CSN2: variants seen among roughly 807,000 people sequenced by gnomAD.
The protein encoded by CSN2 is beta-casein.
Under a neutral mutation model 27.3 loss-of-function variants are expected in CSN2, and 27 were observed. The observed-to-expected ratio is 0.99, with a 90% CI of 0.73 to 1.36. CSN2 has a LOEUF of 1.36. Ranked by LOEUF, CSN2 falls within the 40% of genes most tolerant of loss-of-function variation. CSN2 has a pLI of 0.00. For missense variants in CSN2, 333 were observed against 264.5 expected (o/e 1.26, Z -1.80); for synonymous variants, 131 against 94.8 (o/e 1.38, Z -2.22).
In CSN2 at chr4:69,957,570, C is replaced by CA. The variant is rs1173388777; in HGVS notation, c.378dup (p.Asp127Ter). ...TCAGTGAGTTTTGGGATTTGAGGGTCAAAAAAGGGTATCGTTGGAGATTTA... is the reference window on the plus strand; with the variant it reads ...TCAGTGAGTTTTGGGATTTGAGGGTCAAAAAAAGGGTATCGTTGGAGATTTA... On this transcript the variant is annotated frameshift_variant, in exon 6 of 8. Coordinates refer to ENST00000353151, the MANE Select transcript of CSN2 (RefSeq NM_001891.4). LOFTEE classifies it high-confidence loss of function. 1.2e-6 allele frequency: 2 copies of CA among 1,613,316 alleles called. No individual in the cohort carries two copies. The highest frequency in any genetic ancestry group is 2.7e-5 in the African/African-American group (2 of 74,728).
At chr4:69,963,562 G>A (rs989038253) in intron 1 of CSN2, among the ~76,000 whole-genome samples, 2 of 150,314 alleles carry the variant, frequency 1.3e-5, no homozygotes, top group African/African-American at 2.4e-5. Flanking sequence ...ACAGGAAGGG[G>A]AACATCACAC....
intron 6 of CSN2, among the ~76,000 whole-genome samples, chr4:69,957,017 G>C (rs1419726110): frequency 6.6e-6 from 1 of 152,008 alleles, no homozygotes; most frequent in Non-Finnish European, 1.5e-5. Context: ...GTGGGGGTAG[G>C]GGGTAGGGAT....
In CSN2 at chr4:69,960,055, C is replaced by G. The variant is rs1388507323; in HGVS notation, c.76G>C (p.Glu26Gln). ...RETIESLSSSEESITEYKQKV... is the reference protein window; with the variant it reads ...RETIESLSSSQESITEYKQKV... ...AATTGGGTAGAATGTTAACTTACCTCACTGCTTGAAAGGCTTTCTATGGTC... is the reference window on the plus strand; with the variant it reads ...AATTGGGTAGAATGTTAACTTACCTGACTGCTTGAAAGGCTTTCTATGGTC... The change falls in exon 3 of 8, where the codon GAG becomes CAG. Residue 26 changes from glutamate to glutamine, a missense_variant and splice_region_variant. Physicochemically the swap from Glu to Gln is conservative, Grantham distance 29. Coordinates refer to ENST00000353151, the MANE Select transcript of CSN2 (RefSeq NM_001891.4). The G allele has an allele frequency of 6.2e-7, 1 of 1,611,596 alleles. No individual in the cohort carries two copies. The highest frequency in any genetic ancestry group is 1.1e-5 in the South Asian group (1 of 90,920).
At chr4:69,956,212 G>T in intron 7 of CSN2, 102 bp downstream of exon 7, 1 of 737,416 alleles carries the variant, frequency 1.4e-6, no homozygotes, top group Non-Finnish European at 1.9e-6. Flanking sequence ...GTTCTTGTAT[G>T]TATGAAATTT....
chr4:69,960,925 AT>A lies in CSN2; in HGVS notation c.51+19del. ...TCCACTATTTATTGATTGTTTAGGA[AT>A]TTTTTCTTGTGCACATACCTCCCTT... On this transcript the variant is annotated intron_variant, in intron 2 of 7. Transcript: ENST00000353151. 6.2e-7 allele frequency: 1 copy of A among 1,610,354 alleles called. No homozygotes were observed. The highest frequency in any genetic ancestry group is 8.5e-7 in the Non-Finnish European group (1 of 1,177,066).
chr4:69,956,845 A>G (rs1723411799), intron 6 of CSN2, among the ~76,000 whole-genome samples: 1 of 152,210 alleles, frequency 6.6e-6, no homozygotes, highest in Admixed American at 6.6e-5. Flanking sequence ...ACAAAAAACT[A>G]GAACAATTAT....
At position 69,963,458 on chromosome 4, in the gene CSN2, C is replaced by A. The variant is rs575537295; in HGVS notation, c.-13+2223G>T. On this transcript the variant is annotated intron_variant, in intron 1 of 7. Transcript: ENST00000353151. ...GTAGGGACATGGATGAAGCTGGAAA[C>A]CATCATTCTCAGCAAACTATCGCAA... 4.6e-5 allele frequency among the ~76,000 whole-genome samples: 7 copies of A among 152,020 alleles called. No individual in the cohort carries two copies. The South Asian group carries it at 8.3e-4, about 18-fold the overall frequency.
At chr4:69,961,988 T>C (rs973977127) in intron 1 of CSN2, among the ~76,000 whole-genome samples, 1 of 152,074 alleles carries the variant, frequency 6.6e-6, no homozygotes, top group Non-Finnish European at 1.5e-5. Flanking sequence ...TCAAAATTGC[T>C]TCAAAGAGAA....
intron 1 of CSN2, among the ~76,000 whole-genome samples, chr4:69,963,259 T>A (rs1449088951): frequency 6.6e-6 from 1 of 151,964 alleles, no homozygotes; most frequent in East Asian, 1.9e-4. Context: ...GGATTATAAA[T>A]CATGCTGCTA....
chr4:69,957,710 T>C lies in CSN2; in HGVS notation c.239A>G (p.Asn80Ser), dbSNP rs1199024453. ...AGCAGGCTGAGCAAGAGGCAGAATG[T>C]TTTGTGGAAGAAAACCATAGGGGAT... ...EPIPYGFLPQNILPLAQPAVV... is the reference protein window; with the variant it reads ...EPIPYGFLPQSILPLAQPAVV... Residue 80 changes from asparagine (N) to serine (S), a missense_variant, in exon 6 of 8, where the codon AAC becomes AGC. Coordinates refer to ENST00000353151, the MANE Select transcript of CSN2 (RefSeq NM_001891.4). 1 of 1,613,760 alleles carries C rather than the reference T, an allele frequency of 6.2e-7. No homozygotes were observed. Among genetic ancestry groups the C allele is most frequent in the African/African-American group, 1.3e-5 (1 of 74,828 alleles).
intron 5 of CSN2, among the ~76,000 whole-genome samples, chr4:69,958,516 T>C (rs538318826): frequency 6.6e-6 from 1 of 152,234 alleles, no homozygotes; most frequent in Admixed American, 6.5e-5. Flanking sequence ...GTTGTCCATA[T>C]GGGAATAAAG....
chr4:69,961,252 A>G (rs1723569953), intron 1 of CSN2, among the ~76,000 whole-genome samples: 1 of 152,070 alleles, frequency 6.6e-6, no homozygotes, highest in Admixed American at 6.6e-5. Context: ...AGCTATTCAG[A>G]TTTTTCAGCT....
chr4:69,957,372 C>G lies in CSN2; in HGVS notation c.577G>C (p.Val193Leu). The change falls in exon 6 of 8, where the codon GTT becomes CTT. Residue 193 changes from valine (V) to leucine (L), a missense_variant. Val to Leu is a conservative substitution (Grantham distance 32). Coordinates refer to ENST00000353151, the MANE Select transcript of CSN2 (RefSeq NM_001891.4). ...TCTTGGTTGAGCAGAAGGGCTTGAA[C>G]AGGCACAGCTCTCTGAGGGTAGGGC... ...VVPYPQRAVP[V>L]QALLLNQELL... The G allele has an allele frequency of 6.2e-7, 1 of 1,613,312 alleles. No homozygotes were observed. Among genetic ancestry groups the G allele is most frequent in the Non-Finnish European group, 8.5e-7 (1 of 1,179,800 alleles).
chr4:69,961,002 T>G lies in CSN2; in HGVS notation c.-7A>C, dbSNP rs773742805. On this transcript the variant is annotated 5_prime_UTR_variant, in exon 2 of 8. Coordinates refer to ENST00000353151, the MANE Select transcript of CSN2 (RefSeq NM_001891.4). ...CGAGGATGAGGACCTTCATGGCTAC[T>G]AAGTCCTGTGAATGTAGAAAAAATG... 6.2e-7 allele frequency: 1 copy of G among 1,611,680 alleles called. No individual in the cohort carries two copies. The highest frequency in any genetic ancestry group is 8.5e-7 in the Non-Finnish European group (1 of 1,178,316).
At chr4:69,957,876 T>G in intron 5 of CSN2, 72 bp from the exon 6 acceptor site, 1 of 1,292,306 alleles carries the variant, frequency 7.7e-7, no homozygotes, top group Non-Finnish European at 1.1e-6. Flanking sequence ...AATTCATTTC[T>G]CTCTTTTAGA....
In CSN2 at chr4:69,958,917, G is replaced by C; in HGVS notation, c.136C>G (p.Gln46Glu). The change falls in exon 5 of 8, where the codon CAA becomes GAA. Residue 46 changes from glutamine (Q) to glutamate (E), a missense_variant. Coordinates refer to ENST00000353151, the MANE Select transcript of CSN2 (RefSeq NM_001891.4). ...TATCATTAACAAATTACCTCTCCTT[G>C]CTGCTGGTCCTCATGTTTAACCTTC... The part of the protein sequence containing the change: ...VEKVKHEDQQ[Q>E]GEDEHQDKIY... 6.3e-7 allele frequency: 1 copy of C among 1,589,460 alleles called. No individual in the cohort carries two copies.
chr4:69,965,275 C>T (rs1228800155), intron 1 of CSN2, among the ~76,000 whole-genome samples: 10 of 151,054 alleles, frequency 6.6e-5, no homozygotes, highest in Admixed American at 6.0e-4. Context: ...CAAAGCTTTT[C>T]CAGTAATTAT....
Position 69,957,483 on chromosome 4 carries a change from G to T in CSN2, c.466C>A (p.Pro156Thr). ...LQPLMQQVPQ[P>T]IPQTLALPPQ... ...GGAAGTGCAAGAGTCTGAGGAATAG[G>T]CTGAGGGACCTGCTGCATCAAGGGC... The change falls in exon 6 of 8, where the codon CCT (proline) becomes ACT (threonine). Residue 156 changes from proline to threonine, a missense_variant. Physicochemically the swap from Pro to Thr is conservative, Grantham distance 38 (BLOSUM62 -1). Transcript: ENST00000353151. 6.2e-7 allele frequency: 1 copy of T among 1,613,890 alleles called. No homozygotes were observed.
intron 1 of CSN2, among the ~76,000 whole-genome samples, chr4:69,962,097 T>G (rs1356364482): frequency 6.6e-6 from 1 of 152,076 alleles, no homozygotes. Context: ...TACAAACAAA[T>G]GGAAGAACAT....
Sources: allele counts gnomAD v4.1 joint callset (sites outside exome capture counted in the v4.1 genomes callset), GRCh38; gene constraint gnomAD v4.1.1; transcripts MANE v1.5; gene names NCBI Gene and HGNC (gene_info 2026-07-23, HGNC 2026-07-21).